Variants in IGSF10 observed in about 807,000 individuals in gnomAD.
IGSF10 encodes the protein immunoglobulin superfamily member 10.
A neutral mutation model predicts 128.2 loss-of-function variants in IGSF10; 126 were observed. The ratio of observed to expected loss-of-function variants is 0.98; its 90% CI spans 0.85 to 1.14. The LOEUF (loss-of-function observed/expected upper bound fraction) is 1.14. IGSF10 is among the 50% of genes most tolerant of loss of function. IGSF10 has a pLI of 0.00. For synonymous variants in IGSF10, 1,185 were observed against 1,146.2 expected, an observed-to-expected ratio of 1.03 and a Z score of -0.68; for missense variants, 3,295 against 3,149.8, an observed-to-expected ratio of 1.05 and a Z score of -1.10.
In IGSF10 at chr3:151,449,046, G is replaced by A. The variant is rs898859971; in HGVS notation, c.935C>T (p.Pro312Leu). 6.2e-7 allele frequency: 1 copy of A among 1,614,160 alleles called. No individual in the cohort carries two copies. The highest frequency in any genetic ancestry group is 8.5e-7 in the Non-Finnish European group (1 of 1,180,028). The change falls in exon 6 of 8, where the codon CCC (proline) becomes CTC (leucine). Residue 312 changes from proline (P) to leucine (L), a missense_variant. By Grantham distance (98) the Pro-to-Leu change is moderately conservative. Transcript: ENST00000282466. ...AFISPQGFMA[P>L]FGSLTLNMTD... ...CATATTCAAAGTGAGGGAGCCAAAG[G>A]GTGCCATGAAACCTTGGGGAGAGAT...
At position 151,447,519 on chromosome 3, in the gene IGSF10, A is replaced by G; in HGVS notation, c.2462T>C (p.Val821Ala). Residue 821 changes from valine (V) to alanine (A), a missense_variant, in exon 6 of 8, where the codon GTG becomes GCG. Val to Ala is a moderately conservative substitution (Grantham distance 64, BLOSUM62 0). Transcript: ENST00000282466. ...TKALNLPART[V>A]TADSRTISDS... ...AGATATTGTTCTGGAGTCAGCAGTC[A>G]CTGTCCTTGCTGGAAGGTTCAAAGC... The G allele has an allele frequency of 1.2e-6, 2 of 1,614,166 alleles. No individual in the cohort carries two copies. Among genetic ancestry groups the G allele is most frequent in the Non-Finnish European group, 1.7e-6 (2 of 1,180,020 alleles).
the IGSF10 span, among the ~76,000 whole-genome samples, chr3:151,496,402 T>G: frequency 7.1e-6 from 1 of 141,830 alleles, no homozygotes; most frequent in Non-Finnish European, 1.5e-5. Flanking sequence ...CCTGTGTCCA[T>G]GTGTTCTCAT....
At chr3:151,491,590 AAC>A in the IGSF10 span, among the ~76,000 whole-genome samples, 1 of 152,170 alleles carries the variant, frequency 6.6e-6, no homozygotes, top group African/African-American at 2.4e-5. Context: ...TAGACAAACA[AAC>A]AAACAATAAA....
the IGSF10 span, among the ~76,000 whole-genome samples, chr3:151,559,344 A>G: frequency 6.6e-6 from 1 of 152,202 alleles, no homozygotes; most frequent in Non-Finnish European, 1.5e-5. Flanking sequence ...GTGAGAATTC[A>G]CCAAACAAAA....
the IGSF10 span, among the ~76,000 whole-genome samples, chr3:151,596,539 C>T: frequency 1.1e-4 from 17 of 152,168 alleles, no homozygotes; most frequent in Admixed American, 2.0e-4. Context: ...TGCGCTTTGG[C>T]CTTGCTACAA....
At chr3:151,589,329 G>A in the IGSF10 span, among the ~76,000 whole-genome samples, 2 of 152,172 alleles carry the variant, frequency 1.3e-5, no homozygotes, top group Non-Finnish European at 2.9e-5. Flanking sequence ...TCTGAGAGCG[G>A]CAATGAAGTT....
At chr3:151,459,585 C>T (rs2108580546) in intron 2 of IGSF10, among the ~76,000 whole-genome samples, 1 of 152,282 alleles carries the variant, frequency 6.6e-6, no homozygotes, top group South Asian at 2.1e-4. Context: ...CATCTCTCTG[C>T]CTTTTTCCTT....
the IGSF10 span, among the ~76,000 whole-genome samples, chr3:151,608,330 G>A: frequency 8.5e-5 from 13 of 152,248 alleles, no homozygotes; most frequent in African/African-American, 2.4e-4. Context: ...TCAGCAAAGC[G>A]GTTTGCATGG....
the IGSF10 span, among the ~76,000 whole-genome samples, chr3:151,492,734 A>G: frequency 1.7e-5 from 1 of 60,522 alleles, no homozygotes; most frequent in South Asian, 5.5e-4. Context: ...CTCATTCTCA[A>G]AAAAATTAAA....
the IGSF10 span, among the ~76,000 whole-genome samples, chr3:151,503,608 G>T: frequency 6.6e-6 from 1 of 152,164 alleles, no homozygotes; most frequent in African/African-American, 2.4e-5. Flanking sequence ...GATAATTCAT[G>T]ACATTTTAAA....
chr3:151,581,809 G>A, the IGSF10 span, among the ~76,000 whole-genome samples: 2 of 152,178 alleles, frequency 1.3e-5, no homozygotes, highest in Non-Finnish European at 2.9e-5. Flanking sequence ...GGTGGCTCAA[G>A]CCTGTATTCC....
the IGSF10 span, among the ~76,000 whole-genome samples, chr3:151,551,233 T>C: frequency 6.6e-6 from 1 of 152,332 alleles, no homozygotes; most frequent in Non-Finnish European, 1.5e-5. Context: ...TGCATACTTA[T>C]AAGCTTTCAA....
At chr3:151,610,918 A>G in the IGSF10 span, among the ~76,000 whole-genome samples, 3 of 152,210 alleles carry the variant, frequency 2.0e-5, no homozygotes, top group Non-Finnish European at 2.9e-5. Context: ...AGGTCCCACC[A>G]CTTAATACCA....
the IGSF10 span, among the ~76,000 whole-genome samples, chr3:151,577,920 T>C: frequency 6.6e-6 from 1 of 152,060 alleles, no homozygotes; most frequent in Non-Finnish European, 1.5e-5. Flanking sequence ...ACCCAAGCAT[T>C]TGTGCTCTTT....
the IGSF10 span, among the ~76,000 whole-genome samples, chr3:151,570,648 G>A: frequency 2.0e-5 from 3 of 152,296 alleles, 1 homozygote; most frequent in South Asian, 4.1e-4. Context: ...TTTGTCAGAT[G>A]AGTAGATTGC....
chr3:151,452,620 C>T (rs1721563865), intron 5 of IGSF10, among the ~76,000 whole-genome samples: 1 of 151,812 alleles, frequency 6.6e-6, no homozygotes. Context: ...GTACATATGA[C>T]AGATGTATAA....
In IGSF10 at chr3:151,456,962, G is replaced by A. The variant is rs1721824230; in HGVS notation, c.324+64C>T. The A allele has an allele frequency of 2.6e-6, 4 of 1,545,960 alleles. No individual in the cohort carries two copies. In the South Asian group the frequency reaches 3.4e-5, roughly 13 times the overall value. On this transcript the variant is annotated intron_variant, in intron 4 of 7. Transcript: ENST00000282466. ...TATTGTGTAGAGATAGGCAGCCTTT[G>A]AAGGTCTATCTCACAGGTCCCACCT...
At chr3:151,486,109 T>C in the IGSF10 span, among the ~76,000 whole-genome samples, 71 of 151,850 alleles carry the variant, frequency 4.7e-4, no homozygotes, top group African/African-American at 1.6e-3. Context: ...TGCAGGGAGA[T>C]TACCAAGCAA....
the IGSF10 span, among the ~76,000 whole-genome samples, chr3:151,597,926 A>C: frequency 6.6e-6 from 1 of 151,970 alleles, no homozygotes; most frequent in Non-Finnish European, 1.5e-5. Flanking sequence ...TAAAAAAAAA[A>C]AAAACACAAC....
Sources: allele counts gnomAD v4.1 joint callset (sites outside exome capture counted in the v4.1 genomes callset), GRCh38; gene constraint gnomAD v4.1.1; transcripts MANE v1.5; gene names NCBI Gene and HGNC (gene_info 2026-07-23, HGNC 2026-07-21).